Variants in LRIG3 observed in about 807,000 individuals in gnomAD.
The protein encoded by LRIG3 is leucine rich repeats and immunoglobulin like domains 3, also known as leucine-rich repeats and immunoglobulin-like domains protein 3.
Under a neutral mutation model 114.5 loss-of-function variants are expected in LRIG3, and 76 were observed. The ratio of observed to expected loss-of-function variants is 0.66; its 90% CI spans 0.55 to 0.80. The LOEUF is 0.80. Ranked by LOEUF, LRIG3 falls within the 30% of genes least tolerant of loss-of-function variation. LRIG3 has a pLI of 0.00. For missense variants in LRIG3, 1,239 were observed against 1,382.8 expected (o/e 0.90, Z 1.65); for synonymous variants, 512 against 519.8 (o/e 0.98, Z 0.20).
chr12:58,880,759 CA>C lies in LRIG3; in HGVS notation c.1622del (p.Leu541ArgfsTer19). 6.2e-7 allele frequency: 1 copy of C among 1,614,192 alleles called. No homozygotes were observed. The stretch of plus-strand genomic sequence containing the variant: ...CATAATTTTCCATTTCAGCATCATG[CA>C]GTAGTTCATTGTCTTTTTTCCAAGC... Reference protein sequence around the residue: ...TFAWKKDNELLHDAEMENYAH... With the variant: ...TFAWKKDNELXHDAEMENYAH... On this transcript the variant is annotated frameshift_variant, in exon 13 of 19. Coordinates refer to ENST00000320743, the MANE Select transcript of LRIG3 (RefSeq NM_153377.5). LOFTEE classifies it high-confidence loss of function.
At chr12:58,879,245 C>T in intron 13 of LRIG3, 140 bp from the exon 14 acceptor site, 1 of 1,003,028 alleles carries the variant, frequency 1.0e-6, no homozygotes. Flanking sequence ...ATTCCAATTT[C>T]AAGTCAAGGA....
intron 1 of LRIG3, 27 bp downstream of exon 1, chr12:58,919,973 C>T (rs1872609767): frequency 1.3e-6 from 2 of 1,544,044 alleles, no homozygotes; most frequent in Non-Finnish European, 1.8e-6. Flanking sequence ...GGCCCGGGCC[C>T]CCTCCCCCCG....
At chr12:58,908,160 G>T (rs749657325) in intron 3 of LRIG3, among the ~76,000 whole-genome samples, 8 of 152,124 alleles carry the variant, frequency 5.3e-5, no homozygotes, top group Admixed American at 5.2e-4. Flanking sequence ...CACATCTCGC[G>T]GCATTAGGTT....
chr12:58,902,365 G>A lies in LRIG3; in HGVS notation c.384-11569C>T, dbSNP rs571454310. On this transcript the variant is annotated intron_variant, in intron 3 of 18. Coordinates refer to ENST00000320743, the MANE Select transcript of LRIG3 (RefSeq NM_153377.5). The stretch of plus-strand genomic sequence containing the variant: ...CTCATGCACACTAAAAATGACAGTC[G>A]GAGAATGTCTACTATGTTTATCCTA... 2.6e-5 allele frequency among the ~76,000 whole-genome samples: 4 copies of A among 152,038 alleles called. No individual in the cohort carries two copies. The South Asian group carries it at 8.3e-4, about 32-fold the overall frequency.
chr12:58,912,700 A>G (rs956562648), intron 3 of LRIG3, among the ~76,000 whole-genome samples: 1 of 152,218 alleles, frequency 6.6e-6, no homozygotes, highest in African/African-American at 2.4e-5. Flanking sequence ...AGAATCTGCC[A>G]ATATGCAGTG....
intron 1 of LRIG3, among the ~76,000 whole-genome samples, chr12:58,917,457 T>G (rs987063533): frequency 6.6e-6 from 1 of 152,226 alleles, no homozygotes; most frequent in Admixed American, 6.5e-5. Flanking sequence ...TTGGCGTAGT[T>G]ACTGGGTTGT....
intron 3 of LRIG3, among the ~76,000 whole-genome samples, chr12:58,911,768 A>G (rs1872282979): frequency 6.6e-6 from 1 of 152,208 alleles, no homozygotes; most frequent in African/African-American, 2.4e-5. Flanking sequence ...ACACAAATTA[A>G]AAGTGCTTGA....
At position 58,880,461 on chromosome 12, in the gene LRIG3, G is replaced by C. The variant is rs749019605; in HGVS notation, c.1801+120C>G. 4 of 976,248 alleles carry C rather than the reference G, an allele frequency of 4.1e-6. No homozygotes were observed. The African/African-American group carries it at 6.5e-5, about 16-fold the overall frequency. The allele number at this position is 976,248 out of a possible 1,614,324, so 60.5% of individuals were successfully genotyped here. A position where few individuals can be genotyped will look rare whatever the true frequency, so the allele number is the denominator to read the frequency against. ...TTTGTGGAATGAAAGGTAGGGAAAG[G>C]AAGAGTCAGGTGGGGAACTGTGAGA... On this transcript the variant is annotated intron_variant, in intron 13 of 18. Transcript: ENST00000320743.
chr12:58,911,330 C>A (rs1323634166), intron 3 of LRIG3, among the ~76,000 whole-genome samples: 1 of 152,132 alleles, frequency 6.6e-6, no homozygotes, highest in Non-Finnish European at 1.5e-5. Context: ...AAAGTCTCAC[C>A]AGGACAGTCT....
intron 1 of LRIG3, among the ~76,000 whole-genome samples, chr12:58,918,801 A>ATTATT (rs1412989192): frequency 1.3e-5 from 2 of 152,380 alleles, no homozygotes; most frequent in East Asian, 3.9e-4. Context: ...AAGAAATTAA[A>ATTATT]TATCAATCCA....
chr12:58,919,325 A>G (rs531101071), intron 1 of LRIG3: 2 of 1,493,708 alleles, frequency 1.3e-6, no homozygotes, highest in Admixed American at 2.0e-5. Flanking sequence ...GGGCGTTCTG[A>G]GGAGCTACAG....
intron 3 of LRIG3, among the ~76,000 whole-genome samples, chr12:58,903,487 T>C (rs901984026): frequency 1.4e-4 from 21 of 152,328 alleles, no homozygotes; most frequent in African/African-American, 5.1e-4. Context: ...ATGAGTAGGT[T>C]GCAAAAATTT....
chr12:58,919,085 T>C (rs1872578278), intron 1 of LRIG3, among the ~76,000 whole-genome samples: 1 of 152,228 alleles, frequency 6.6e-6, no homozygotes, highest in South Asian at 2.1e-4. Flanking sequence ...ACAGAACAAC[T>C]ACTTTAAAAA....
intron 3 of LRIG3, among the ~76,000 whole-genome samples, chr12:58,902,698 T>G (rs560293592): frequency 6.5e-4 from 99 of 151,644 alleles, no homozygotes; most frequent in African/African-American, 2.1e-3. Flanking sequence ...TAGTTATATC[T>G]CCTAATGCTA....
Position 58,920,047 on chromosome 12 carries a change from C to T in LRIG3, c.189G>A (p.Lys63=). 1 of 1,553,318 alleles carries T rather than the reference C, an allele frequency of 6.4e-7. No individual in the cohort carries two copies. Among genetic ancestry groups the T allele is most frequent in the Non-Finnish European group, 8.7e-7 (1 of 1,148,574 alleles). The change falls in exon 1 of 19, where the codon AAG becomes AAA. Residue 63 remains lysine (K), a synonymous_variant. Transcript: ENST00000320743. ...GTGGCTCGGGAAGACGCGCTAGCCGCTTACGACTGCAGTCCAGCAGGTCCC... is the reference window on the plus strand; with the variant it reads ...GTGGCTCGGGAAGACGCGCTAGCCGTTTACGACTGCAGTCCAGCAGGTCCC... ...CLGDLLDCSR[K]RLARLPEPLP...
intron 3 of LRIG3, among the ~76,000 whole-genome samples, chr12:58,911,142 C>G (rs1872259709): frequency 7.4e-6 from 1 of 135,788 alleles, no homozygotes; most frequent in South Asian, 2.3e-4. Context: ...CTATTCAGGC[C>G]TTGTGCATGC....
intron 3 of LRIG3, among the ~76,000 whole-genome samples, chr12:58,906,525 G>A (rs1335205384): frequency 6.6e-6 from 1 of 152,054 alleles, no homozygotes; most frequent in Non-Finnish European, 1.5e-5. Context: ...CTGATTTTTG[G>A]AATGTAATGA....
At chr12:58,892,242 A>T (rs1871481214) in intron 3 of LRIG3, among the ~76,000 whole-genome samples, 1 of 152,160 alleles carries the variant, frequency 6.6e-6, no homozygotes, top group Non-Finnish European at 1.5e-5. Flanking sequence ...AAATAACGTC[A>T]AGGTAGAAAG....
chr12:58,900,118 T>G (rs2120944305), intron 3 of LRIG3, among the ~76,000 whole-genome samples: 1 of 152,286 alleles, frequency 6.6e-6, no homozygotes, highest in East Asian at 1.9e-4. Flanking sequence ...GACCTCTGTG[T>G]CATGGGAAAG....
Sources: gnomAD v4.1 joint callset for allele counts (sites outside exome capture counted in the v4.1 genomes callset) on GRCh38, gnomAD v4.1.1 for gene constraint, MANE v1.5 for transcripts, NCBI Gene and HGNC (gene_info 2026-07-23, HGNC 2026-07-21) for gene names.